Variants in PDSS2 observed in about 807,000 individuals in gnomAD.
The protein encoded by PDSS2 is decaprenyl diphosphate synthase subunit 2.
A neutral mutation model predicts 44.5 loss-of-function variants in PDSS2; 31 were observed. That is an observed-to-expected ratio of 0.70 (90% CI 0.52 to 0.94). PDSS2 has a LOEUF of 0.94. Among genes scored for constraint, PDSS2 ranks in the 40% least tolerant of loss-of-function variants. The pLI is 0.00. For synonymous variants in PDSS2, 157 were observed against 180.3 expected (o/e 0.87, Z 1.03); for missense variants, 452 against 482.2 (o/e 0.94, Z 0.59).
chr6:107,261,833 C>T (rs1233410305), intron 3 of PDSS2, among the ~76,000 whole-genome samples: 1 of 151,312 alleles, frequency 6.6e-6, no homozygotes, highest in Non-Finnish European at 1.5e-5. Context: ...CCTGCCTGGG[C>T]CTCCCAATGT....
At chr6:107,208,375 CA>C (rs1287267988) in intron 6 of PDSS2, among the ~76,000 whole-genome samples, 1 of 142,076 alleles carries the variant, frequency 7.0e-6, no homozygotes, top group African/African-American at 2.6e-5. Context: ...TGGCTCACTG[CA>C]ACCTCTACCT....
At position 107,388,167 on chromosome 6, in the gene PDSS2, A is replaced by G. The variant is rs117317038; in HGVS notation, c.297-53835T>C. On this transcript the variant is annotated intron_variant, in intron 1 of 7. Transcript: ENST00000369037. ...TAAGAAGAGAAGAAAGAATATGTCAACAATATGTATACTTAGTAGAGCATA... is the reference window on the plus strand; with the variant it reads ...TAAGAAGAGAAGAAAGAATATGTCAGCAATATGTATACTTAGTAGAGCATA... 2.6e-5 allele frequency among the ~76,000 whole-genome samples: 4 copies of G among 152,348 alleles called. No homozygotes were observed. The East Asian group carries it at 7.7e-4, about 29-fold the overall frequency.
At chr6:107,257,622 GC>G (rs930899513) in intron 3 of PDSS2, among the ~76,000 whole-genome samples, 1 of 151,784 alleles carries the variant, frequency 6.6e-6, no homozygotes, top group African/African-American at 2.4e-5. Context: ...CATACAATTG[GC>G]TTTTTTTTTT....
chr6:107,170,987 T>C (rs537558722), intron 7 of PDSS2, among the ~76,000 whole-genome samples: 2 of 152,294 alleles, frequency 1.3e-5, no homozygotes, highest in African/African-American at 4.8e-5. Context: ...AAGCGTTTAT[T>C]GGACACCTAT....
At chr6:107,398,381 T>G (rs982146942) in intron 1 of PDSS2, among the ~76,000 whole-genome samples, 1 of 152,210 alleles carries the variant, frequency 6.6e-6, no homozygotes, top group Non-Finnish European at 1.5e-5. Context: ...AAATGTTTAT[T>G]AATGTTCACA....
intron 2 of PDSS2, 100 bp from the exon 3 acceptor site, chr6:107,274,327 C>T (rs1181657688): frequency 1.6e-5 from 15 of 953,072 alleles, no homozygotes; most frequent in Non-Finnish European, 2.5e-5. Flanking sequence ...ATAGGTTGCC[C>T]CCCACTTTTT....
At chr6:107,415,994 G>C (rs1480894013) in intron 1 of PDSS2, among the ~76,000 whole-genome samples, 1 of 152,142 alleles carries the variant, frequency 6.6e-6, no homozygotes. Context: ...AGTAACAGGG[G>C]ATATTAAAGG....
rs1242967840 is a variant in PDSS2, at chr6:107,441,635, C to T, written c.296+17355G>A. Among the ~76,000 whole-genome samples the T allele has an allele frequency of 4.6e-5, 7 of 152,282 alleles. No individual in the cohort carries two copies. The East Asian group carries it at 1.3e-3, about 29-fold the overall frequency. On this transcript the variant is annotated intron_variant, in intron 1 of 7. Coordinates refer to ENST00000369037, the MANE Select transcript of PDSS2 (RefSeq NM_020381.4). ...AGGTGGTCAGAATGACTAATTTCCT[C>T]ATTTAAGGTGGGAATTCTTTTAAAT...
intron 4 of PDSS2, chr6:107,230,066 G>C: frequency 5.4e-6 from 1 of 186,734 alleles, no homozygotes; most frequent in Non-Finnish European, 1.2e-5. Context: ...AAGACCTGAA[G>C]AAACAAAAAA....
At chr6:107,250,879 G>A (rs1483205082) in intron 3 of PDSS2, among the ~76,000 whole-genome samples, 1 of 151,080 alleles carries the variant, frequency 6.6e-6, no homozygotes, top group Non-Finnish European at 1.5e-5. Flanking sequence ...TTTTGGAGAC[G>A]GAGTCTCGCT....
At chr6:107,425,888 G>A (rs1780984731) in intron 1 of PDSS2, among the ~76,000 whole-genome samples, 1 of 151,980 alleles carries the variant, frequency 6.6e-6, no homozygotes, top group African/African-American at 2.4e-5. Flanking sequence ...GTGAGCCTGG[G>A]AGGTGGAGCT....
At chr6:107,431,548 C>T (rs1562535608) in intron 1 of PDSS2, among the ~76,000 whole-genome samples, 2 of 152,172 alleles carry the variant, frequency 1.3e-5, no homozygotes, top group Non-Finnish European at 2.9e-5. Context: ...TACACCCAGC[C>T]ACCCGTTATT....
chr6:107,263,612 T>C (rs1030348909), intron 3 of PDSS2, among the ~76,000 whole-genome samples: 1 of 152,180 alleles, frequency 6.6e-6, no homozygotes, highest in African/African-American at 2.4e-5. Context: ...CTACATTCCA[T>C]TGTCTTGTGG....
intron 1 of PDSS2, among the ~76,000 whole-genome samples, chr6:107,454,308 A>G (rs577578470): frequency 2.8e-4 from 42 of 152,216 alleles, no homozygotes; most frequent in African/African-American, 7.7e-4. Context: ...TTGGCCTCCC[A>G]AAGTTCTGGG....
At chr6:107,375,281 A>G (rs1779252054) in intron 1 of PDSS2, among the ~76,000 whole-genome samples, 1 of 152,142 alleles carries the variant, frequency 6.6e-6, no homozygotes, top group African/African-American at 2.4e-5. Flanking sequence ...GAGAAAACCA[A>G]TGAAACAGAA....
At chr6:107,266,803 C>T (rs1037975530) in intron 3 of PDSS2, among the ~76,000 whole-genome samples, 8 of 152,122 alleles carry the variant, frequency 5.3e-5, no homozygotes, top group African/African-American at 1.9e-4. Context: ...GACTCTGGAA[C>T]ATTTATAGTG....
chr6:107,403,991 T>C (rs1583042006), intron 1 of PDSS2, among the ~76,000 whole-genome samples: 1 of 152,326 alleles, frequency 6.6e-6, no homozygotes, highest in African/African-American at 2.4e-5. Context: ...GGGATTTTCT[T>C]TTCTACAGCA....
At chr6:107,247,426 C>T (rs1013653331) in intron 3 of PDSS2, among the ~76,000 whole-genome samples, 9 of 152,130 alleles carry the variant, frequency 5.9e-5, no homozygotes, top group South Asian at 2.1e-4. Context: ...TTTCTCATTG[C>T]GTAAACCTGT....
At chr6:107,449,145 A>T (rs921125783) in intron 1 of PDSS2, among the ~76,000 whole-genome samples, 2 of 151,878 alleles carry the variant, frequency 1.3e-5, no homozygotes, top group African/African-American at 4.8e-5. Flanking sequence ...TTGTATTTAC[A>T]CTCCTCCCTA....
Sources: allele counts gnomAD v4.1 joint callset (sites outside exome capture counted in the v4.1 genomes callset), GRCh38; gene constraint gnomAD v4.1.1; transcripts MANE v1.5; gene names NCBI Gene and HGNC (gene_info 2026-07-23, HGNC 2026-07-21).